EWSR1: variants seen among roughly 807,000 people sequenced by gnomAD.
The protein encoded by EWSR1 is EWS RNA binding protein 1.
EWSR1 carries 14 observed loss-of-function variants against 92.1 expected under a neutral mutation model. The observed-to-expected ratio is 0.15, with a 90% CI of 0.10 to 0.24. EWSR1 has a LOEUF of 0.24. Ranked by LOEUF, EWSR1 falls within the 10% of genes least tolerant of loss-of-function variation. The pLI is 1.00. For synonymous variants in EWSR1, 303 were observed against 292.9 expected (o/e 1.03, Z -0.35); for missense variants, 637 against 870.9 (o/e 0.73, Z 3.38).
intron 6 of EWSR1, among the ~76,000 whole-genome samples, chr22:29,284,953 G>A (rs570631416): frequency 4.6e-5 from 7 of 151,028 alleles, no homozygotes; most frequent in Non-Finnish European, 1.0e-4. Flanking sequence ...CCAAGTAGCT[G>A]GCATTATAGG....
At chr22:29,284,944 C>T (rs1569084836) in intron 6 of EWSR1, among the ~76,000 whole-genome samples, 2 of 151,118 alleles carry the variant, frequency 1.3e-5, no homozygotes, top group East Asian at 1.9e-4. Flanking sequence ...GTCAGCCTCC[C>T]AAGTAGCTGG....
chr22:29,270,594 A>G (rs1424120251), intron 1 of EWSR1, among the ~76,000 whole-genome samples: 1 of 152,228 alleles, frequency 6.6e-6, no homozygotes. Context: ...CTCACTGATA[A>G]GAGGTCATTG....
At chr22:29,272,319 A>G in intron 2 of EWSR1, 61 bp from the exon 3 acceptor site, 1 of 1,610,614 alleles carries the variant, frequency 6.2e-7, no homozygotes, top group Non-Finnish European at 8.5e-7. Context: ...AGCCTTCTAT[A>G]ATTGTAGAGG....
At chr22:29,290,419 A>G (rs1361337044) in intron 8 of EWSR1, 1 of 1,611,152 alleles carries the variant, frequency 6.2e-7, no homozygotes, top group African/African-American at 1.3e-5. Flanking sequence ...ACAGGTTACA[A>G]AGTGAGAGCC....
chr22:29,270,460 A>G (rs910902679), intron 1 of EWSR1, among the ~76,000 whole-genome samples: 4 of 151,652 alleles, frequency 2.6e-5, no homozygotes, highest in African/African-American at 9.7e-5. Context: ...GTTTGCATCA[A>G]CCTAATAGCT....
chr22:29,284,547 T>C (rs1430239671), intron 6 of EWSR1, among the ~76,000 whole-genome samples: 33 of 151,224 alleles, frequency 2.2e-4, no homozygotes, highest in Admixed American at 2.1e-3. Flanking sequence ...GCAGTTAATC[T>C]GGCAAGTTGG....
At chr22:29,277,472 T>G (rs1432592370) in intron 4 of EWSR1, 4 of 226,446 alleles carry the variant, frequency 1.8e-5, no homozygotes, top group African/African-American at 6.7e-5. Context: ...ATTAAGCTTG[T>G]GCTTCACATG....
At chr22:29,296,218 A>G in intron 11 of EWSR1, 21 bp from the exon 12 acceptor site, 6 of 1,610,120 alleles carry the variant, frequency 3.7e-6, no homozygotes, top group Non-Finnish European at 5.1e-6. Flanking sequence ...GTCATGCCTA[A>G]CTATGCTATT....
chr22:29,274,500 T>C (rs911716561), intron 4 of EWSR1: 3 of 534,964 alleles, frequency 5.6e-6, no homozygotes, highest in Non-Finnish European at 1.0e-5. Context: ...AATATTACTT[T>C]GTTTCAAGCC....
At position 29,278,120 on chromosome 22, in the gene EWSR1, C is replaced by T. The variant is rs1435659088; in HGVS notation, c.317C>T (p.Thr106Ile). 3 of 1,614,076 alleles carry T rather than the reference C, an allele frequency of 1.9e-6. No individual in the cohort carries two copies. The African/African-American group carries it at 4.0e-5, about 22-fold the overall frequency. ...GAYDTTTATV[T>I]TTQASYAAQS... ...TATGATACCACCACTGCTACAGTCA[C>T]CACCACCCAGGCCTCCTATGCAGCT... The change falls in exon 5 of 17, where the codon ACC (threonine) becomes ATC (isoleucine). Residue 106 changes from threonine to isoleucine, a missense_variant. Thr to Ile is a moderately conservative substitution (Grantham distance 89). This residue lies in a region of EWSR1 where 144 missense variants were observed against 189.0 expected (regional missense o/e 0.76). Transcript: ENST00000397938.
intron 4 of EWSR1, chr22:29,277,555 C>T (rs1022201159): frequency 8.7e-6 from 2 of 229,272 alleles, no homozygotes; most frequent in African/African-American, 4.4e-5. Context: ...AGTGCTAGAA[C>T]TAGTACCTGG....
intron 5 of EWSR1, among the ~76,000 whole-genome samples, chr22:29,279,660 A>G (rs1020182989): frequency 2.0e-5 from 3 of 152,366 alleles, no homozygotes; most frequent in Admixed American, 6.5e-5. Flanking sequence ...TAACCTAGAT[A>G]TATCTGCTCT....
intron 16 of EWSR1, 35 bp downstream of exon 16, chr22:29,299,886 G>C (rs774892122): frequency 6.5e-7 from 1 of 1,532,600 alleles, no homozygotes; most frequent in East Asian, 2.3e-5. Context: ...TGGGCCGCCA[G>C]GCACAGTAAG....
chr22:29,291,859 A>T, intron 9 of EWSR1: 1 of 569,544 alleles, frequency 1.8e-6, no homozygotes. Context: ...TTTAGAGGAA[A>T]AATTTTGACT....
intron 6 of EWSR1, among the ~76,000 whole-genome samples, chr22:29,285,268 C>T (rs1025672600): frequency 6.7e-6 from 1 of 149,878 alleles, no homozygotes; most frequent in Non-Finnish European, 1.5e-5. Context: ...GGACTATAGG[C>T]GTGTGCCACC....
intron 10 of EWSR1, 84 bp downstream of exon 10, chr22:29,292,253 CCTT>C: frequency 7.6e-7 from 1 of 1,308,136 alleles, no homozygotes. Flanking sequence ...AGTTCAGCAG[CCTT>C]ATAGACCAGT....
intron 12 of EWSR1, 41 bp downstream of exon 12, chr22:29,296,409 A>G: frequency 5.0e-6 from 8 of 1,608,776 alleles, no homozygotes; most frequent in Non-Finnish European, 6.8e-6. Flanking sequence ...CCCTGGCTAT[A>G]GAATATGGCA....
chr22:29,281,305 G>A lies in EWSR1; in HGVS notation c.414-1085G>A, dbSNP rs138819240. Reference sequence around the variant, plus strand: ...GCTGGGATTATAGGCATGAGCCACCGCACCTGGCAGTTTGTTTTTTTTGAG... The same window carrying A: ...GCTGGGATTATAGGCATGAGCCACCACACCTGGCAGTTTGTTTTTTTTGAG... On this transcript the variant is annotated intron_variant, in intron 5 of 16. Transcript: ENST00000397938. 5.5e-3 allele frequency among the ~76,000 whole-genome samples: 821 copies of A among 149,212 alleles called. 6 individuals carry two copies. Among genetic ancestry groups the A allele is most frequent in the Non-Finnish European group, 9.6e-3 (647 of 67,058 alleles).
chr22:29,272,803 G>A (rs1292340595), intron 3 of EWSR1, among the ~76,000 whole-genome samples: 1 of 152,196 alleles, frequency 6.6e-6, no homozygotes, highest in Non-Finnish European at 1.5e-5. Flanking sequence ...TAGATATTAA[G>A]TAACTTGCCA....
Sources: allele counts gnomAD v4.1 joint callset (sites outside exome capture counted in the v4.1 genomes callset), GRCh38; gene constraint gnomAD v4.1.1; regional missense constraint gnomAD v4.1.1; transcripts MANE v1.5; gene names NCBI Gene and HGNC (gene_info 2026-07-23, HGNC 2026-07-21).